Variants in ARHGAP18 observed in about 807,000 individuals in gnomAD.
The protein encoded by ARHGAP18 is Rho GTPase activating protein 18.
In ARHGAP18, 67 loss-of-function variants were observed where a neutral mutation model predicts 86.2. The ratio of observed to expected loss-of-function variants is 0.78; its 90% CI spans 0.64 to 0.95. The LOEUF is 0.95. Among genes scored for constraint, ARHGAP18 ranks in the 40% least tolerant of loss-of-function variants. ARHGAP18 has a pLI of 0.00. For missense variants in ARHGAP18, 691 were observed against 780.4 expected, an observed-to-expected ratio of 0.89 and a Z score of 1.37; for synonymous variants, 283 against 280.4, an observed-to-expected ratio of 1.01 and a Z score of -0.09.
At chr6:129,620,300 G>A (rs1789201002) in intron 5 of ARHGAP18, among the ~76,000 whole-genome samples, 1 of 152,174 alleles carries the variant, frequency 6.6e-6, no homozygotes, top group Admixed American at 6.5e-5. Context: ...TTCACTTGTG[G>A]CATCATGCCA....
At chr6:129,679,963 C>T (rs866327514) in intron 1 of ARHGAP18, among the ~76,000 whole-genome samples, 27 of 152,324 alleles carry the variant, frequency 1.8e-4, no homozygotes, top group Middle Eastern at 3.4e-3. Context: ...CCAGCATTTC[C>T]TTGCCGTGGC....
chr6:129,693,408 T>C (rs973821109), intron 1 of ARHGAP18, among the ~76,000 whole-genome samples: 6 of 152,208 alleles, frequency 3.9e-5, no homozygotes, highest in African/African-American at 1.4e-4. Context: ...AGACTTTTAA[T>C]GCATCTATGG....
At chr6:129,648,574 C>CCAG (rs1245051040) in intron 1 of ARHGAP18, among the ~76,000 whole-genome samples, 1 of 151,606 alleles carries the variant, frequency 6.6e-6, no homozygotes, top group Non-Finnish European at 1.5e-5. Context: ...AAGTTCAAGA[C>CCAG]CAGCCTGGGC....
At chr6:129,698,797 A>G (rs1306589294) in intron 1 of ARHGAP18, among the ~76,000 whole-genome samples, 1 of 151,030 alleles carries the variant, frequency 6.6e-6, no homozygotes, top group Non-Finnish European at 1.5e-5. Context: ...GGTTCAAGTA[A>G]TTCTCCTGCC....
intron 1 of ARHGAP18, 36 bp downstream of exon 1, chr6:129,709,988 A>G (rs1175782417): frequency 6.6e-7 from 1 of 1,525,324 alleles, no homozygotes; most frequent in Non-Finnish European, 9.1e-7. Flanking sequence ...AGCAGGTAAG[A>G]GGGTTTTGTT....
At chr6:129,605,703 TAAC>T (rs1431989740) in intron 10 of ARHGAP18, among the ~76,000 whole-genome samples, 171 bp downstream of exon 10, 2 of 152,148 alleles carry the variant, frequency 1.3e-5, no homozygotes, top group Admixed American at 6.5e-5. Flanking sequence ...ATTAGTAACA[TAAC>T]AACCTCATAA....
chr6:129,673,676 T>C (rs1054582090), intron 1 of ARHGAP18, among the ~76,000 whole-genome samples: 1 of 152,200 alleles, frequency 6.6e-6, no homozygotes, highest in African/African-American at 2.4e-5. Context: ...TTTTTACCAT[T>C]TGCTTCTTAA....
At position 129,619,107 on chromosome 6, in the gene ARHGAP18, T is replaced by C. The variant is rs551827554; in HGVS notation, c.787-255A>G. Among the ~76,000 whole-genome samples, 180 of 148,766 alleles carry C rather than the reference T, an allele frequency of 1.2e-3. 2 individuals are homozygous for C. The highest frequency in any genetic ancestry group is 4.6e-4 in the Non-Finnish European group (31 of 67,320). On this transcript the variant is annotated intron_variant, in intron 5 of 14. Transcript: ENST00000368149. The stretch of plus-strand genomic sequence containing the variant: ...CGCAAACTCGGAGTATTAATACCAG[T>C]GGCTCAGAGGACAAGAGAGACAGTG...
chr6:129,696,229 T>C (rs999152771), intron 1 of ARHGAP18, among the ~76,000 whole-genome samples: 1 of 152,238 alleles, frequency 6.6e-6, no homozygotes, highest in Non-Finnish European at 1.5e-5. Flanking sequence ...TAAATATCAC[T>C]GGATGTAAAC....
intron 12 of ARHGAP18, among the ~76,000 whole-genome samples, chr6:129,585,495 C>T (rs555086126): frequency 3.3e-5 from 5 of 152,188 alleles, no homozygotes; most frequent in East Asian, 3.9e-4. Flanking sequence ...AGAAGCAACA[C>T]GATATAAGAC....
chr6:129,692,452 G>A (rs1376236276), intron 1 of ARHGAP18, among the ~76,000 whole-genome samples: 1 of 152,088 alleles, frequency 6.6e-6, no homozygotes, highest in African/African-American at 2.4e-5. Context: ...ATTTGCCTGG[G>A]TACGGAGAAA....
chr6:129,597,181 T>C (rs1056339716), intron 12 of ARHGAP18, among the ~76,000 whole-genome samples: 2 of 151,836 alleles, frequency 1.3e-5, no homozygotes, highest in Non-Finnish European at 2.9e-5. Flanking sequence ...AGTCTCACTC[T>C]GTCACCCAAA....
chr6:129,676,913 C>CTTTTTTTTTT (rs1562721123), intron 1 of ARHGAP18, among the ~76,000 whole-genome samples: 5 of 34,566 alleles, frequency 1.4e-4, no homozygotes, highest in African/African-American at 3.4e-4. Flanking sequence ...ATTTTTTGTC[C>CTTTTTTTTTT]TCTTTTTTTT....
At chr6:129,602,078 C>T (rs1788758790) in intron 10 of ARHGAP18, among the ~76,000 whole-genome samples, 1 of 152,142 alleles carries the variant, frequency 6.6e-6, no homozygotes, top group Non-Finnish European at 1.5e-5. Context: ...CAGCTGAGGT[C>T]ACCCTACTCT....
At chr6:129,673,983 C>G (rs1332608934) in intron 1 of ARHGAP18, among the ~76,000 whole-genome samples, 1 of 152,064 alleles carries the variant, frequency 6.6e-6, no homozygotes, top group Non-Finnish European at 1.5e-5. Context: ...ACACACACTC[C>G]TCCTCTTTGA....
At chr6:129,643,831 T>C (rs1014290073) in intron 1 of ARHGAP18, among the ~76,000 whole-genome samples, 2 of 152,198 alleles carry the variant, frequency 1.3e-5, no homozygotes, top group African/African-American at 2.4e-5. Flanking sequence ...ATTTTAATAG[T>C]ACATAAGGGA....
At position 129,605,922 on chromosome 6, in the gene ARHGAP18, G is replaced by A. The variant is rs370858739; in HGVS notation, c.1320C>T (p.Asn440=). The change falls in exon 10 of 15, where the codon AAC becomes AAT. Residue 440 remains asparagine, a synonymous_variant. Coordinates refer to ENST00000368149, the MANE Select transcript of ARHGAP18 (RefSeq NM_033515.3). ...CATCAGGTAGGAGGATGACAAGAAG[G>A]TTCAAAGCCTGTAGTTGCTGCTTCT... ...PTKKQQLQAL[N]LLVILLPDAN... is the part of the protein sequence containing the mutation. 2 of 1,613,580 alleles carry A rather than the reference G, an allele frequency of 1.2e-6. No homozygotes were observed. The highest frequency in any genetic ancestry group is 1.7e-6 in the Non-Finnish European group (2 of 1,179,604).
chr6:129,658,431 A>T (rs1397412176), intron 1 of ARHGAP18, among the ~76,000 whole-genome samples: 1 of 152,112 alleles, frequency 6.6e-6, no homozygotes, highest in Non-Finnish European at 1.5e-5. Flanking sequence ...GGAAAAAAAA[A>T]AAACATAAAA....
chr6:129,704,005 CA>C (rs1774763610), intron 1 of ARHGAP18, among the ~76,000 whole-genome samples: 1 of 145,576 alleles, frequency 6.9e-6, no homozygotes, highest in African/African-American at 2.5e-5. Context: ...GGTAATAATA[CA>C]CTAATTCAGA....
Sources: allele counts gnomAD v4.1 joint callset (sites outside exome capture counted in the v4.1 genomes callset), GRCh38; gene constraint gnomAD v4.1.1; transcripts MANE v1.5; gene names NCBI Gene and HGNC (gene_info 2026-07-23, HGNC 2026-07-21).